The following SPRR2G variants were observed in gnomAD, a reference collection of about 807,000 sequenced individuals.
SPRR2G encodes the protein small proline rich protein 2G.
A neutral mutation model predicts 0.7 loss-of-function variants in SPRR2G; 1 was observed. That is an observed-to-expected ratio of 1.49 (90% CI 0.53 to 7.06). SPRR2G has a LOEUF of 7.06. Ranked by LOEUF, SPRR2G falls within the 30% of genes most tolerant of loss-of-function variation. The pLI, the probability that SPRR2G is intolerant of heterozygous loss-of-function variation, is 0.14. For missense variants in SPRR2G, 96 were observed against 88.5 expected (o/e 1.09, Z -0.34); for synonymous variants, 38 against 33.9 (o/e 1.12, Z -0.42).
At chr1:153,159,450 A>G in the SPRR2G span, among the ~76,000 whole-genome samples, 1 of 152,348 alleles carries the variant, frequency 6.6e-6, no homozygotes, top group South Asian at 2.1e-4. Context: ...TTCAGCAAGT[A>G]TCTAGGAAGT....
the SPRR2G span, among the ~76,000 whole-genome samples, chr1:153,192,042 A>T: frequency 3.9e-3 from 601 of 152,360 alleles, 10 homozygotes; most frequent in African/African-American, 0.013. Flanking sequence ...ACTGAGGCTC[A>T]CTAGAGAAGC....
chr1:153,163,855 T>C, the SPRR2G span, among the ~76,000 whole-genome samples: 1 of 152,104 alleles, frequency 6.6e-6, no homozygotes, highest in Admixed American at 6.5e-5. Flanking sequence ...ACAAAACCCA[T>C]CCCATTCTTC....
the SPRR2G span, among the ~76,000 whole-genome samples, chr1:153,193,060 C>T: frequency 6.6e-6 from 1 of 151,978 alleles, no homozygotes; most frequent in Non-Finnish European, 1.5e-5. Flanking sequence ...CGCTGACCAG[C>T]CCAGGAAGTC....
chr1:153,178,628 C>A, the SPRR2G span, among the ~76,000 whole-genome samples: 1 of 151,962 alleles, frequency 6.6e-6, no homozygotes, highest in South Asian at 2.1e-4. Context: ...TTAAATAAAC[C>A]TTGCATTCTG....
the SPRR2G span, among the ~76,000 whole-genome samples, chr1:153,182,100 T>C: frequency 1.3e-5 from 2 of 152,170 alleles, no homozygotes; most frequent in Admixed American, 6.5e-5. Context: ...TTTTTGATCA[T>C]AGCCATTCTT....
At chr1:153,160,272 G>GTA in the SPRR2G span, among the ~76,000 whole-genome samples, 2 of 152,044 alleles carry the variant, frequency 1.3e-5, no homozygotes, top group African/African-American at 2.4e-5. Flanking sequence ...ATATTACATT[G>GTA]TATATATATG....
chr1:153,159,283 A>G, the SPRR2G span, among the ~76,000 whole-genome samples: 1 of 152,192 alleles, frequency 6.6e-6, no homozygotes, highest in African/African-American at 2.4e-5. Context: ...AGCACCACAC[A>G]TCTCCAGGGC....
upstream of SPRR2G, among the ~76,000 whole-genome samples, chr1:153,151,856 G>T (rs544744012): frequency 3.3e-4 from 50 of 152,274 alleles, no homozygotes; most frequent in African/African-American, 1.2e-3. Context: ...GTAAAGTATA[G>T]CTGGCACAGA....
chr1:153,200,303 G>T, the SPRR2G span, among the ~76,000 whole-genome samples: 1 of 152,136 alleles, frequency 6.6e-6, no homozygotes, highest in Admixed American at 6.5e-5. Context: ...GGAAAATATT[G>T]AGTTGGAGAA....
chr1:153,170,914 A>G, the SPRR2G span, among the ~76,000 whole-genome samples: 1 of 152,184 alleles, frequency 6.6e-6, no homozygotes, highest in Non-Finnish European at 1.5e-5. Context: ...GTGGCCAACA[A>G]GTGAGGAAGA....
the SPRR2G span, among the ~76,000 whole-genome samples, chr1:153,180,587 G>C: frequency 6.6e-6 from 1 of 152,136 alleles, no homozygotes; most frequent in Non-Finnish European, 1.5e-5. Flanking sequence ...TTACGTATTT[G>C]TCCTTTTGTG....
chr1:153,151,142 G>A (rs1266235172), upstream of SPRR2G, among the ~76,000 whole-genome samples: 1 of 152,198 alleles, frequency 6.6e-6, no homozygotes, highest in African/African-American at 2.4e-5. Context: ...GACAATTGTG[G>A]TGCTTCCCTA....
At chr1:153,192,885 GATGTGTTTCTAGCACC>G in the SPRR2G span, among the ~76,000 whole-genome samples, 1 of 152,198 alleles carries the variant, frequency 6.6e-6, no homozygotes, top group Non-Finnish European at 1.5e-5. Context: ...CCAAACCACT[GATGTGTTTCTAGCACC>G]ACCACCTGGG....
In SPRR2G at chr1:153,150,072, C is replaced by T. The variant is rs1656429342; in HGVS notation, c.39G>A (p.Gln13=). The change falls in exon 2 of 2, where the codon CAG becomes CAA. Residue 13 remains glutamine (Q), a synonymous_variant. Coordinates refer to ENST00000368748, the MANE Select transcript of SPRR2G (RefSeq NM_001014291.4). ...YQQQQCKQPC[Q]PPPVCPTPKC... ...TTGGCGTGGGGCACACAGGAGGTGG[C>T]TGGCAGGGCTGCTTGCACTGCTGCT... 1.9e-6 allele frequency: 3 copies of T among 1,612,948 alleles called. No individual in the cohort carries two copies. Among genetic ancestry groups the T allele is most frequent in the Non-Finnish European group, 2.5e-6 (3 of 1,179,858 alleles).
the SPRR2G span, among the ~76,000 whole-genome samples, chr1:153,195,876 C>T: frequency 3.3e-5 from 5 of 152,068 alleles, no homozygotes; most frequent in Middle Eastern, 3.2e-3. Flanking sequence ...GACCCCAACT[C>T]TCATGAGCAA....
chr1:153,168,174 G>A, the SPRR2G span, among the ~76,000 whole-genome samples: 3 of 152,146 alleles, frequency 2.0e-5, no homozygotes, highest in Non-Finnish European at 4.4e-5. Flanking sequence ...TCCACCAACT[G>A]TTGAAGCACC....
upstream of SPRR2G, among the ~76,000 whole-genome samples, chr1:153,152,412 A>G (rs1378367204): frequency 6.6e-6 from 1 of 152,182 alleles, no homozygotes; most frequent in Non-Finnish European, 1.5e-5. Flanking sequence ...CTCTTTACCC[A>G]GAAGAATGCT....
At chr1:153,161,535 C>T in the SPRR2G span, among the ~76,000 whole-genome samples, 29 of 152,176 alleles carry the variant, frequency 1.9e-4, 1 homozygote, top group Admixed American at 1.3e-3. Context: ...ACTTTTCACT[C>T]TGTTGATTCT....
the SPRR2G span, among the ~76,000 whole-genome samples, chr1:153,178,090 G>T: frequency 1.3e-5 from 2 of 151,990 alleles, no homozygotes; most frequent in Non-Finnish European, 2.9e-5. Flanking sequence ...TATCTTTTAT[G>T]CTGTCATAAA....
Sources: gnomAD v4.1 joint callset for allele counts (sites outside exome capture counted in the v4.1 genomes callset) on GRCh38, gnomAD v4.1.1 for gene constraint, MANE v1.5 for transcripts, NCBI Gene and HGNC (gene_info 2026-07-23, HGNC 2026-07-21) for gene names.